The following FBXW8 variants were observed in gnomAD, a reference collection of about 807,000 sequenced individuals.
FBXW8 encodes F-box and WD repeat domain containing 8, also known as F-box/WD repeat-containing protein 8.
Under a neutral mutation model 65.3 loss-of-function variants are expected in FBXW8, and 57 were observed. The ratio of observed to expected loss-of-function variants is 0.87; its 90% confidence interval spans 0.71 to 1.09. The LOEUF is 1.09. FBXW8 is among the 50% of genes least tolerant of loss of function. The pLI is 0.00. For synonymous variants in FBXW8, 308 were observed against 330.2 expected, an observed-to-expected ratio of 0.93 and a Z score of 0.73; for missense variants, 777 against 814.8, an observed-to-expected ratio of 0.95 and a Z score of 0.57.
intron 4 of FBXW8, among the ~76,000 whole-genome samples, chr12:116,953,977 G>C (rs1404842367): frequency 6.6e-6 from 1 of 151,848 alleles, no homozygotes; most frequent in Non-Finnish European, 1.5e-5. Flanking sequence ...AGCTGGGCGT[G>C]GTGGCGGGCA....
At position 116,932,613 on chromosome 12, in the gene FBXW8, G is replaced by T. The variant is rs567727655; in HGVS notation, c.423+4486G>T. On this transcript the variant is annotated intron_variant, in intron 2 of 10. Coordinates refer to ENST00000652555, the MANE Select transcript of FBXW8 (RefSeq NM_153348.3). ...TGCAGTGGCGCGATCTCGGCTCACTGCAACCTCTGCCTCCCAGGTTCAAGC... is the reference window on the plus strand; with the variant it reads ...TGCAGTGGCGCGATCTCGGCTCACTTCAACCTCTGCCTCCCAGGTTCAAGC... 3.3e-5 allele frequency among the ~76,000 whole-genome samples: 5 copies of T among 152,292 alleles called. No individual in the cohort carries two copies. In the East Asian group the frequency reaches 9.7e-4, roughly 29 times the overall value.
intron 1 of FBXW8, among the ~76,000 whole-genome samples, chr12:116,918,005 CA>C (rs929591584): frequency 2.5e-5 from 3 of 118,580 alleles, no homozygotes; most frequent in African/African-American, 5.7e-5. Flanking sequence ...AAAAAAAAAA[CA>C]AAAAAAAAAC....
At chr12:116,950,313 C>T (rs1473033461) in intron 4 of FBXW8, 1 of 152,308 alleles carries the variant, frequency 6.6e-6, no homozygotes, top group African/African-American at 2.4e-5. Flanking sequence ...TTTATTTACT[C>T]TACAATAAGA....
intron 6 of FBXW8, chr12:116,986,253 T>C (rs1302147500): frequency 1.3e-5 from 2 of 152,290 alleles, no homozygotes; most frequent in East Asian, 3.9e-4. Context: ...CTGCTTCACC[T>C]CCAGGAGCGT....
chr12:117,000,439 TTC>T (rs1953487719), intron 7 of FBXW8, among the ~76,000 whole-genome samples: 1 of 152,128 alleles, frequency 6.6e-6, no homozygotes, highest in Non-Finnish European at 1.5e-5. Context: ...AGCACAGGGG[TTC>T]TCACATGCCA....
intron 8 of FBXW8, among the ~76,000 whole-genome samples, chr12:117,020,060 T>TA (rs1379498300): frequency 1.3e-5 from 2 of 152,194 alleles, no homozygotes; most frequent in Admixed American, 6.5e-5. Flanking sequence ...ACGCACAGCC[T>TA]AAATGCATGT....
At chr12:116,952,904 A>AT (rs1205791350) in intron 4 of FBXW8, among the ~76,000 whole-genome samples, 2 of 151,892 alleles carry the variant, frequency 1.3e-5, no homozygotes, top group African/African-American at 4.8e-5. Flanking sequence ...CACCCAGCTA[A>AT]TTTTTGTATT....
rs973443555 is a variant in FBXW8, at chr12:116,989,687, GGAGAGA to G, written c.1239+823_1239+828del. On this transcript the variant is annotated intron_variant, in intron 7 of 10. Coordinates refer to ENST00000652555, the MANE Select transcript of FBXW8 (RefSeq NM_153348.3). The stretch of plus-strand genomic sequence containing the variant: ...CTCTCCCTACCAGTGGGACCAAGGG[GGAGAGA>G]GAGAAAGTTTTTGTTTCATTTTGGG... 2.6e-5 allele frequency among the ~76,000 whole-genome samples: 4 copies of G among 152,142 alleles called. No individual in the cohort carries two copies. In the South Asian group the frequency reaches 8.3e-4, roughly 32 times the overall value.
intron 2 of FBXW8, among the ~76,000 whole-genome samples, chr12:116,943,245 A>G (rs1176853884): frequency 6.6e-6 from 1 of 151,920 alleles, no homozygotes; most frequent in African/African-American, 2.4e-5. Context: ...TCCCCTGTGT[A>G]TGGGCCCTGC....
intron 7 of FBXW8, among the ~76,000 whole-genome samples, chr12:116,997,217 G>A (rs890408063): frequency 6.6e-6 from 1 of 152,148 alleles, no homozygotes; most frequent in East Asian, 1.9e-4. Flanking sequence ...ATGCTTTTGA[G>A]GACTGGACCA....
intron 2 of FBXW8, among the ~76,000 whole-genome samples, chr12:116,930,258 GCT>G (rs1881665915): frequency 6.6e-6 from 1 of 152,160 alleles, no homozygotes; most frequent in African/African-American, 2.4e-5. Context: ...TTCCTTAATG[GCT>G]GTGCTAATTT....
intron 4 of FBXW8, among the ~76,000 whole-genome samples, chr12:116,964,286 T>C (rs1884169906): frequency 6.6e-6 from 1 of 152,268 alleles, no homozygotes; most frequent in Admixed American, 6.5e-5. Context: ...TGAGTATCCC[T>C]GCAGCATCTC....
chr12:116,982,226 T>A (rs1885352687), intron 5 of FBXW8, among the ~76,000 whole-genome samples: 1 of 152,134 alleles, frequency 6.6e-6, no homozygotes, highest in Admixed American at 6.5e-5. Context: ...AACACCCCAA[T>A]TAAAAGCAAG....
intron 7 of FBXW8, among the ~76,000 whole-genome samples, chr12:117,006,516 C>T (rs888457749): frequency 3.3e-5 from 5 of 152,254 alleles, no homozygotes; most frequent in South Asian, 2.1e-4. Context: ...CGCCTGCCCA[C>T]GGCGGTGGCT....
chr12:116,960,219 G>A (rs1184202577), intron 4 of FBXW8, among the ~76,000 whole-genome samples: 4 of 152,288 alleles, frequency 2.6e-5, no homozygotes, highest in African/African-American at 9.6e-5. Context: ...AGGTCCCTCT[G>A]CCCCAACCTG....
At chr12:116,925,101 C>G (rs1430894247) in intron 1 of FBXW8, among the ~76,000 whole-genome samples, 2 of 151,880 alleles carry the variant, frequency 1.3e-5, no homozygotes, top group African/African-American at 4.8e-5. Context: ...TTGAACTTTT[C>G]AAAAAATAGA....
At chr12:116,967,240 T>C (rs1884383983) in intron 5 of FBXW8, among the ~76,000 whole-genome samples, 1 of 152,172 alleles carries the variant, frequency 6.6e-6, no homozygotes, top group African/African-American at 2.4e-5. Context: ...CTTATTCTTT[T>C]TAATGCCTGT....
intron 1 of FBXW8, among the ~76,000 whole-genome samples, chr12:116,918,035 AG>A (rs1377092516): frequency 6.6e-6 from 1 of 151,980 alleles, no homozygotes; most frequent in Non-Finnish European, 1.5e-5. Context: ...ACTCCTCCCA[AG>A]CCTCATGTTT....
intron 7 of FBXW8, among the ~76,000 whole-genome samples, chr12:117,004,038 G>A (rs1953613393): frequency 6.6e-6 from 1 of 152,330 alleles, no homozygotes; most frequent in East Asian, 1.9e-4. Flanking sequence ...CAGGGGAGGT[G>A]TGCATGAAGG....
Sources: allele counts gnomAD v4.1 joint callset (sites outside exome capture counted in the v4.1 genomes callset), GRCh38; gene constraint gnomAD v4.1.1; transcripts MANE v1.5; gene names NCBI Gene and HGNC (gene_info 2026-07-23, HGNC 2026-07-21).